XKR9: variants seen among roughly 807,000 people sequenced by gnomAD.
The protein encoded by XKR9 is XK related 9.
Under a neutral mutation model 32.0 loss-of-function variants are expected in XKR9, and 32 were observed. The observed-to-expected ratio is 1.00, with a 90% CI of 0.76 to 1.34. The LOEUF (loss-of-function observed/expected upper bound fraction) is 1.34, where lower values mean the gene tolerates loss of function less well. Among genes scored for constraint, XKR9 ranks in the 40% most tolerant of loss-of-function variants. The pLI is 0.00. For synonymous variants in XKR9, 168 were observed against 143.4 expected, an observed-to-expected ratio of 1.17 and a Z score of -1.22; for missense variants, 546 against 429.7, an observed-to-expected ratio of 1.27 and a Z score of -2.39.
intron 2 of XKR9, among the ~76,000 whole-genome samples, chr8:70,744,082 G>A (rs1366818539): frequency 6.6e-6 from 1 of 151,876 alleles, no homozygotes; most frequent in Non-Finnish European, 1.5e-5. Flanking sequence ...AGGCTGAGGC[G>A]GGTGCATTAC....
chr8:70,862,181 C>T, the XKR9 span, among the ~76,000 whole-genome samples: 1 of 152,080 alleles, frequency 6.6e-6, no homozygotes, highest in African/African-American at 2.4e-5. Context: ...ACAAAGTCAA[C>T]TGAATATTTT....
At chr8:71,060,486 A>G in the XKR9 span, among the ~76,000 whole-genome samples, 1 of 152,170 alleles carries the variant, frequency 6.6e-6, no homozygotes, top group South Asian at 2.1e-4. Flanking sequence ...TGAACCAACA[A>G]AACTGCTGAG....
the XKR9 span, among the ~76,000 whole-genome samples, chr8:70,910,998 T>C: frequency 6.6e-6 from 1 of 152,346 alleles, no homozygotes; most frequent in African/African-American, 2.4e-5. Flanking sequence ...CTGTTGCTTC[T>C]CTTTTGACTC....
At chr8:71,034,071 AGT>A in the XKR9 span, among the ~76,000 whole-genome samples, 1 of 152,180 alleles carries the variant, frequency 6.6e-6, no homozygotes. Context: ...TGACCCATAG[AGT>A]ATGGTGAAAT....
At chr8:70,765,681 A>T (rs1024042607) in intron 2 of XKR9, among the ~76,000 whole-genome samples, 5 of 152,298 alleles carry the variant, frequency 3.3e-5, no homozygotes, top group Non-Finnish European at 5.9e-5. Flanking sequence ...GTCGTTGCCT[A>T]TGCCTATGTC....
At chr8:70,994,794 T>A in the XKR9 span, among the ~76,000 whole-genome samples, 1 of 152,052 alleles carries the variant, frequency 6.6e-6, no homozygotes, top group Non-Finnish European at 1.5e-5. Flanking sequence ...TTTTTCATTC[T>A]GTTTTTCTCT....
intron 4 of XKR9, among the ~76,000 whole-genome samples, chr8:70,729,900 G>A (rs1241005356): frequency 2.6e-5 from 4 of 151,880 alleles, no homozygotes; most frequent in Non-Finnish European, 5.9e-5. Context: ...TGGACTTCAG[G>A]GGACCTAATG....
chr8:70,932,858 G>T, the XKR9 span, among the ~76,000 whole-genome samples: 1 of 152,068 alleles, frequency 6.6e-6, no homozygotes, highest in Non-Finnish European at 1.5e-5. Flanking sequence ...ACACAGTAGG[G>T]GGCTAGGACT....
the XKR9 span, among the ~76,000 whole-genome samples, chr8:70,810,531 G>A: frequency 6.6e-6 from 1 of 152,160 alleles, no homozygotes; most frequent in East Asian, 1.9e-4. Flanking sequence ...TCAGTGTGCT[G>A]TATTCAGAAA....
At chr8:71,020,467 T>G in the XKR9 span, among the ~76,000 whole-genome samples, 10 of 152,360 alleles carry the variant, frequency 6.6e-5, no homozygotes, top group South Asian at 1.7e-3. Flanking sequence ...GTTCATGTAC[T>G]GTGATGACAA....
At chr8:71,065,104 A>G in the XKR9 span, among the ~76,000 whole-genome samples, 3 of 152,342 alleles carry the variant, frequency 2.0e-5, no homozygotes, top group South Asian at 6.2e-4. Flanking sequence ...ATAAGATATA[A>G]GAAGAAAGCA....
At chr8:70,749,150 T>G (rs549719122) in intron 2 of XKR9, among the ~76,000 whole-genome samples, 1 of 152,364 alleles carries the variant, frequency 6.6e-6, no homozygotes, top group African/African-American at 2.4e-5. Context: ...GTTCTGTCAC[T>G]CAGTGAAGAT....
chr8:70,837,361 G>T, the XKR9 span, among the ~76,000 whole-genome samples: 2 of 152,020 alleles, frequency 1.3e-5, no homozygotes, highest in African/African-American at 2.4e-5. Context: ...TTCTAAAAGT[G>T]CTCTGTAAGA....
the XKR9 span, among the ~76,000 whole-genome samples, chr8:70,955,484 A>T: frequency 6.6e-6 from 1 of 152,244 alleles, no homozygotes. Flanking sequence ...AATTATATTG[A>T]ATCAGTTTAG....
At chr8:70,909,703 C>CTTTT in the XKR9 span, among the ~76,000 whole-genome samples, 158 of 91,202 alleles carry the variant, frequency 1.7e-3, 3 homozygotes, top group African/African-American at 5.6e-3. Flanking sequence ...TCGATTTATC[C>CTTTT]TTTTTTTTTT....
chr8:70,809,070 A>G, the XKR9 span, among the ~76,000 whole-genome samples: 1 of 152,176 alleles, frequency 6.6e-6, no homozygotes, highest in African/African-American at 2.4e-5. Flanking sequence ...GACACCTCAC[A>G]TGGCTGGGTA....
the XKR9 span, among the ~76,000 whole-genome samples, chr8:71,012,963 T>G: frequency 6.6e-6 from 1 of 152,210 alleles, no homozygotes; most frequent in Non-Finnish European, 1.5e-5. Context: ...CTTTTATCCC[T>G]TCATAACACA....
At chr8:70,761,550 G>T (rs79984961) in intron 2 of XKR9, among the ~76,000 whole-genome samples, 11,015 of 151,946 alleles carry the variant, frequency 0.072, 466 homozygotes, top group Non-Finnish European at 0.089. Context: ...GAGGCTGTTA[G>T]TTTTTTCTTG....
intron 4 of XKR9, among the ~76,000 whole-genome samples, chr8:70,712,414 G>A (rs1372476700): frequency 6.6e-6 from 1 of 152,080 alleles, no homozygotes; most frequent in Admixed American, 6.6e-5. Context: ...GGGTTTTACT[G>A]AACCTTATAA....
Sources: allele counts gnomAD v4.1 joint callset (sites outside exome capture counted in the v4.1 genomes callset), GRCh38; gene constraint gnomAD v4.1.1; transcripts MANE v1.5; gene names NCBI Gene and HGNC (gene_info 2026-07-23, HGNC 2026-07-21).